Variants in EPSTI1 observed in about 807,000 individuals in gnomAD.
EPSTI1 encodes the protein epithelial-stromal interaction protein 1.
Under a neutral mutation model 49.9 loss-of-function variants are expected in EPSTI1, and 66 were observed. The ratio of observed to expected loss-of-function variants is 1.32; its 90% CI spans 1.08 to 1.62. The LOEUF is 1.62. EPSTI1 is among the 40% of genes most tolerant of loss of function. The probability of loss-of-function intolerance (pLI) is 0.00; values close to 1 mark genes in which losing one functional copy is unlikely to be tolerated. For synonymous variants in EPSTI1, 137 were observed against 130.7 expected, an observed-to-expected ratio of 1.05 and a Z score of -0.33; for missense variants, 394 against 365.5, an observed-to-expected ratio of 1.08 and a Z score of -0.64.
chr13:42,905,996 A>T (rs1297605836), intron 8 of EPSTI1, among the ~76,000 whole-genome samples: 1 of 152,192 alleles, frequency 6.6e-6, no homozygotes, highest in Non-Finnish European at 1.5e-5. Context: ...CATCCTAGAG[A>T]TTGAAAGTAT....
At chr13:42,890,296 CTTTTTTT>C (rs71202241) in intron 10 of EPSTI1, among the ~76,000 whole-genome samples, 2 of 116,306 alleles carry the variant, frequency 1.7e-5, no homozygotes, top group Admixed American at 9.1e-5. Flanking sequence ...TTTTTCTTTT[CTTTTTTT>C]TTTTTTTTTT....
Position 42,969,097 on chromosome 13 carries a change from G to GC in EPSTI1, c.327dup (p.Leu110AlafsTer9). ...GGCAGCGGCTGTGCTTGCTTACCTA[G>GC]CCGTCTGGGCACCAGGTGAACCGGT... On this transcript the variant is annotated frameshift_variant, in exon 3 of 11. Coordinates refer to ENST00000313624, the MANE Select transcript of EPSTI1 (RefSeq NM_033255.5). LOFTEE classifies it high-confidence loss of function. The GC allele has an allele frequency of 1.2e-6, 2 of 1,614,092 alleles. No homozygotes were observed. Among genetic ancestry groups the GC allele is most frequent in the Non-Finnish European group, 1.7e-6 (2 of 1,180,028 alleles).
chr13:42,939,722 AAT>A (rs1258109684), intron 6 of EPSTI1, among the ~76,000 whole-genome samples: 1 of 152,240 alleles, frequency 6.6e-6, no homozygotes, highest in Non-Finnish European at 1.5e-5. Context: ...AAAAGTCTGA[AAT>A]ATTGTACAGA....
At chr13:42,976,220 G>A in intron 1 of EPSTI1, among the ~76,000 whole-genome samples, 1 of 152,146 alleles carries the variant, frequency 6.6e-6, no homozygotes, top group East Asian at 1.9e-4. Flanking sequence ...GTCTTATGAT[G>A]GGCGCAACAG....
At position 42,917,105 on chromosome 13, in the gene EPSTI1, T is replaced by G. The variant is rs947921197; in HGVS notation, c.741+436A>C. On this transcript the variant is annotated intron_variant, in intron 8 of 10. Transcript: ENST00000313624. ...TAGTGTAACTTGGTTTTACTGTATG[T>G]GTATAACTATTTTTAGTGAACATTT... 6.6e-5 allele frequency among the ~76,000 whole-genome samples: 10 copies of G among 152,330 alleles called. No individual in the cohort carries two copies. The East Asian group carries it at 1.9e-3, about 29-fold the overall frequency.
chr13:42,904,698 ATGGATGTTTTGTAAGG>A (rs2037449167), intron 8 of EPSTI1, among the ~76,000 whole-genome samples: 1 of 152,220 alleles, frequency 6.6e-6, no homozygotes, highest in Non-Finnish European at 1.5e-5. Flanking sequence ...AAAGACTAAG[ATGGATGTTTTGTAAGG>A]TAGAGCAGGG....
chr13:42,951,027 T>A (rs1203922454), intron 6 of EPSTI1, among the ~76,000 whole-genome samples: 1 of 152,010 alleles, frequency 6.6e-6, no homozygotes, highest in Non-Finnish European at 1.5e-5. Flanking sequence ...TGTGGTGGCA[T>A]TCACCTGTAA....
intron 6 of EPSTI1, among the ~76,000 whole-genome samples, chr13:42,953,054 G>T (rs912548050): frequency 5.3e-5 from 8 of 152,086 alleles, no homozygotes; most frequent in African/African-American, 1.7e-4. Context: ...AAAGTGGAGG[G>T]CCCATTACTG....
chr13:42,947,836 G>A (rs940840476), intron 6 of EPSTI1, among the ~76,000 whole-genome samples: 51 of 152,194 alleles, frequency 3.4e-4, no homozygotes, highest in African/African-American at 1.1e-3. Flanking sequence ...TGATAGATGG[G>A]AGATCAACCC....
chr13:42,971,476 C>T (rs1424988333), intron 1 of EPSTI1, among the ~76,000 whole-genome samples: 1 of 152,110 alleles, frequency 6.6e-6, no homozygotes, highest in Non-Finnish European at 1.5e-5. Flanking sequence ...AGATGATGCA[C>T]GTGATCCCAC....
chr13:42,955,339 C>T (rs2039225740), intron 5 of EPSTI1, among the ~76,000 whole-genome samples: 1 of 151,996 alleles, frequency 6.6e-6, no homozygotes. Flanking sequence ...GTTGATTAAA[C>T]CAGTATTCAG....
At position 42,922,716 on chromosome 13, in the gene EPSTI1, CTTTA is replaced by C. The variant is rs766237267; in HGVS notation, c.657+3616_657+3619del. On this transcript the variant is annotated intron_variant, in intron 7 of 10. Coordinates refer to ENST00000313624, the MANE Select transcript of EPSTI1 (RefSeq NM_033255.5). The surrounding 1 kb of genome is among the most constrained non-coding windows in gnomAD (Gnocchi z 4.8). ...GGCGCAAAGGGACACATGTTAAGTA[CTTTA>C]TTTGACTTCTTAATGAATGAGCATG... 7.2e-5 allele frequency among the ~76,000 whole-genome samples: 11 copies of C among 152,086 alleles called. No individual in the cohort carries two copies. The South Asian group carries it at 8.3e-4, about 11-fold the overall frequency.
intron 8 of EPSTI1, among the ~76,000 whole-genome samples, chr13:42,902,989 A>C (rs2037402417): frequency 6.6e-6 from 1 of 152,214 alleles, no homozygotes; most frequent in Non-Finnish European, 1.5e-5. Context: ...TTAGCAGAAT[A>C]TATATAACCT....
intron 8 of EPSTI1, among the ~76,000 whole-genome samples, chr13:42,911,301 A>C (rs76338060): frequency 8.5e-6 from 1 of 118,130 alleles, no homozygotes; most frequent in Non-Finnish European, 2.0e-5. Context: ...GAGTGTGCAC[A>C]TGCTTCCTTT....
At chr13:42,979,966 CAT>C (rs2039958473) in intron 1 of EPSTI1, among the ~76,000 whole-genome samples, 1 of 152,044 alleles carries the variant, frequency 6.6e-6, no homozygotes. Context: ...TATGGTTTGA[CAT>C]GTGTTTGTAG....
rs182745381 is a variant in EPSTI1 at position 42,979,509 on chromosome 13, A to G, written c.189-8839T>C. The stretch of plus-strand genomic sequence containing the variant: ...AGGCAGGAGAATGGCGTGAACCCGG[A>G]AGGCGGCGGAGCTTGCAGTGAGCCG... On this transcript the variant is annotated intron_variant, in intron 1 of 10. Coordinates refer to ENST00000313624, the MANE Select transcript of EPSTI1 (RefSeq NM_033255.5). Among the ~76,000 whole-genome samples the G allele has an allele frequency of 1.4e-3, 211 of 151,140 alleles. 5 individuals are homozygous for G. The highest frequency in any genetic ancestry group is 0.011 in the Admixed American group (174 of 15,146).
chr13:42,900,602 T>G, intron 8 of EPSTI1, among the ~76,000 whole-genome samples: 1 of 151,776 alleles, frequency 6.6e-6, no homozygotes, highest in East Asian at 1.9e-4. Flanking sequence ...GTAAAATTGC[T>G]AGATTAAAAG....
intron 10 of EPSTI1, among the ~76,000 whole-genome samples, chr13:42,889,041 G>C (rs1566089673): frequency 6.6e-6 from 1 of 152,136 alleles, no homozygotes; most frequent in Non-Finnish European, 1.5e-5. Flanking sequence ...CACCATTGCT[G>C]TTTCTTCTAA....
intron 8 of EPSTI1, among the ~76,000 whole-genome samples, chr13:42,906,374 A>G (rs892111722): frequency 2.0e-5 from 3 of 152,240 alleles, no homozygotes; most frequent in Non-Finnish European, 4.4e-5. Flanking sequence ...TTGAAGATGA[A>G]CATGGGGTCA....
Sources: gnomAD v4.1 joint callset for allele counts (sites outside exome capture counted in the v4.1 genomes callset) on GRCh38, gnomAD v4.1.1 for gene constraint, Gnocchi (gnomAD v3.1) non-coding constraint, MANE v1.5 for transcripts, NCBI Gene and HGNC (gene_info 2026-07-23, HGNC 2026-07-21) for gene names.